The following LRMDA variants were observed in gnomAD, a reference collection of about 807,000 sequenced individuals.
LRMDA encodes the protein leucine-rich melanocyte differentiation-associated protein.
In LRMDA, 18 loss-of-function variants were observed where a neutral mutation model predicts 29.8. The ratio of observed to expected loss-of-function variants is 0.60; its 90% confidence interval spans 0.42 to 0.90. LRMDA has a LOEUF of 0.90. Ranked by LOEUF, LRMDA falls within the 40% of genes least tolerant of loss-of-function variation. The pLI is 0.00. For missense variants in LRMDA, 273 were observed against 273.9 expected (o/e 1.00, Z 0.02); for synonymous variants, 125 against 109.4 (o/e 1.14, Z -0.89).
At chr10:76,355,658 AAG>A (rs1462810426) in intron 6 of LRMDA, among the ~76,000 whole-genome samples, 1 of 152,164 alleles carries the variant, frequency 6.6e-6, no homozygotes, top group Non-Finnish European at 1.5e-5. Flanking sequence ...TTTGTCATCC[AAG>A]ATATATTTGG....
chr10:75,990,370 C>A (rs1263000504), intron 2 of LRMDA, among the ~76,000 whole-genome samples: 1 of 152,186 alleles, frequency 6.6e-6, no homozygotes, highest in Non-Finnish European at 1.5e-5. Flanking sequence ...CCCTTGGCAG[C>A]CCCTACCAGT....
At chr10:75,647,898 C>T (rs1841543656) in intron 2 of LRMDA, among the ~76,000 whole-genome samples, 1 of 152,122 alleles carries the variant, frequency 6.6e-6, no homozygotes. Context: ...CACACCAAAC[C>T]ACGAGAGTCA....
At chr10:76,361,402 C>T (rs1034833375) in intron 6 of LRMDA, among the ~76,000 whole-genome samples, 4 of 152,042 alleles carry the variant, frequency 2.6e-5, no homozygotes, top group Non-Finnish European at 5.9e-5. Flanking sequence ...TGAAGGAAGT[C>T]CCCATCTAAG....
chr10:75,768,748 T>G (rs1843201228), intron 2 of LRMDA, among the ~76,000 whole-genome samples: 1 of 152,178 alleles, frequency 6.6e-6, no homozygotes, highest in South Asian at 2.1e-4. Flanking sequence ...TTGTGGTTCT[T>G]TAGTATAAAA....
intron 5 of LRMDA, among the ~76,000 whole-genome samples, chr10:76,269,634 C>T (rs1840044209): frequency 6.6e-6 from 1 of 152,070 alleles, no homozygotes; most frequent in African/African-American, 2.4e-5. Context: ...TTGAAAGTTC[C>T]CTGGTCCCTG....
At chr10:75,827,980 A>G (rs927716964) in intron 2 of LRMDA, among the ~76,000 whole-genome samples, 9 of 152,160 alleles carry the variant, frequency 5.9e-5, no homozygotes, top group East Asian at 1.9e-4. Flanking sequence ...CTGATGGGCA[A>G]TTATCTTTGG....
intron 5 of LRMDA, among the ~76,000 whole-genome samples, chr10:76,129,979 T>A (rs1408662579): frequency 6.6e-6 from 1 of 152,236 alleles, no homozygotes; most frequent in African/African-American, 2.4e-5. Flanking sequence ...TAACCATATT[T>A]ACTTTATAAA....
chr10:76,207,837 A>C (rs1851565292), intron 5 of LRMDA, among the ~76,000 whole-genome samples: 1 of 151,974 alleles, frequency 6.6e-6, no homozygotes, highest in South Asian at 2.1e-4. Flanking sequence ...GGTGGCACAT[A>C]CCTGTAATCC....
intron 6 of LRMDA, among the ~76,000 whole-genome samples, chr10:76,505,662 C>G (rs2132346806): frequency 6.6e-6 from 1 of 152,120 alleles, no homozygotes; most frequent in South Asian, 2.1e-4. Context: ...GCTCTTGGAT[C>G]ATTTTACTGG....
intron 2 of LRMDA, among the ~76,000 whole-genome samples, chr10:75,525,165 C>G (rs923907863): frequency 6.6e-6 from 1 of 152,236 alleles, no homozygotes; most frequent in African/African-American, 2.4e-5. Flanking sequence ...ACAGCATCCT[C>G]ACTTGGATCC....
At chr10:76,092,136 G>A (rs1849241456) in intron 5 of LRMDA, among the ~76,000 whole-genome samples, 1 of 152,180 alleles carries the variant, frequency 6.6e-6, no homozygotes, top group African/African-American at 2.4e-5. Context: ...TCCCCTGAAG[G>A]TTAAATGGTG....
chr10:76,311,323 T>C (rs1351826285), intron 5 of LRMDA, among the ~76,000 whole-genome samples: 2 of 124,716 alleles, frequency 1.6e-5, no homozygotes, highest in Non-Finnish European at 3.7e-5. Flanking sequence ...CACATTTAAA[T>C]GAAATTTCCT....
chr10:75,815,031 A>G (rs529753563), intron 2 of LRMDA, among the ~76,000 whole-genome samples: 39 of 152,314 alleles, frequency 2.6e-4, no homozygotes, highest in Admixed American at 2.0e-3. Flanking sequence ...AGAATAATCT[A>G]TTATTCAAAA....
intron 6 of LRMDA, among the ~76,000 whole-genome samples, chr10:76,523,476 G>A (rs1843142947): frequency 6.6e-6 from 1 of 152,124 alleles, no homozygotes; most frequent in South Asian, 2.1e-4. Flanking sequence ...CTGTTGGAGA[G>A]AGAGTTGGTT....
intron 5 of LRMDA, among the ~76,000 whole-genome samples, chr10:76,062,385 C>A (rs949657812): frequency 1.3e-5 from 2 of 152,126 alleles, no homozygotes; most frequent in African/African-American, 4.8e-5. Flanking sequence ...TGGGTGTTCT[C>A]GGCTGACACA....
At chr10:76,238,605 A>T (rs1852207115) in intron 5 of LRMDA, among the ~76,000 whole-genome samples, 1 of 152,040 alleles carries the variant, frequency 6.6e-6, no homozygotes, top group Admixed American at 6.6e-5. Flanking sequence ...ATAAGGATAT[A>T]CTTGATTTTG....
In LRMDA at chr10:76,023,713, G is replaced by A. The variant is rs992473026; in HGVS notation, c.132-12295G>A. 4.6e-5 allele frequency among the ~76,000 whole-genome samples: 7 copies of A among 152,308 alleles called. No homozygotes were observed. The South Asian group carries it at 1.5e-3, about 32-fold the overall frequency. On this transcript the variant is annotated intron_variant, in intron 2 of 6. Coordinates refer to ENST00000611255, the MANE Select transcript of LRMDA (RefSeq NM_001305581.2). Reference sequence around the variant, plus strand: ...GGCAGGACCTGGATCAGGTTCCTTGGTTGTTCCTAAGACAGAGGCTCTCCC... The same window carrying A: ...GGCAGGACCTGGATCAGGTTCCTTGATTGTTCCTAAGACAGAGGCTCTCCC...
chr10:76,165,428 T>C (rs1397135241), intron 5 of LRMDA, among the ~76,000 whole-genome samples: 1 of 152,122 alleles, frequency 6.6e-6, no homozygotes, highest in African/African-American at 2.4e-5. Flanking sequence ...TGCACGTCCA[T>C]ACCTGACTAG....
intron 6 of LRMDA, among the ~76,000 whole-genome samples, chr10:76,326,153 T>G (rs1034474434): frequency 2.6e-5 from 4 of 152,184 alleles, no homozygotes; most frequent in African/African-American, 9.6e-5. Flanking sequence ...AAAATGACGT[T>G]CTTTGGGCTG....
Sources: gnomAD v4.1 joint callset for allele counts (sites outside exome capture counted in the v4.1 genomes callset) on GRCh38, gnomAD v4.1.1 for gene constraint, MANE v1.5 for transcripts, NCBI Gene and HGNC (gene_info 2026-07-23, HGNC 2026-07-21) for gene names.